KCNIP4: variants seen among roughly 807,000 people sequenced by gnomAD.
KCNIP4 encodes potassium voltage-gated channel interacting protein 4.
KCNIP4 carries 12 observed loss-of-function variants against 34.0 expected under a neutral mutation model. The observed-to-expected ratio is 0.35, with a 90% CI of 0.23 to 0.57. KCNIP4 has a LOEUF of 0.57. Among genes scored for constraint, KCNIP4 ranks in the 20% least tolerant of loss-of-function variants. The pLI, the probability that KCNIP4 is intolerant of heterozygous loss-of-function variation, is 0.83. For missense variants in KCNIP4, 238 were observed against 311.7 expected (o/e 0.76, Z 1.78); for synonymous variants, 124 against 102.2 (o/e 1.21, Z -1.29).
intron 1 of KCNIP4, among the ~76,000 whole-genome samples, chr4:21,853,417 A>T (rs1395194182): frequency 2.0e-5 from 3 of 152,200 alleles, no homozygotes; most frequent in African/African-American, 7.2e-5. Flanking sequence ...TGAATAAGTC[A>T]TATAATATTT....
intron 2 of KCNIP4, among the ~76,000 whole-genome samples, chr4:20,877,398 A>C (rs989356767): frequency 6.6e-6 from 1 of 152,094 alleles, no homozygotes; most frequent in African/African-American, 2.4e-5. Flanking sequence ...GCCCTATTTA[A>C]ATATGCCTTT....
At chr4:20,904,556 A>T (rs1471428833) in intron 1 of KCNIP4, among the ~76,000 whole-genome samples, 1 of 152,028 alleles carries the variant, frequency 6.6e-6, no homozygotes, top group African/African-American at 2.4e-5. Context: ...TTTATTATTG[A>T]TTTTTAAATG....
chr4:21,407,787 G>C (rs1464711497), intron 1 of KCNIP4, among the ~76,000 whole-genome samples: 1 of 152,102 alleles, frequency 6.6e-6, no homozygotes, highest in Non-Finnish European at 1.5e-5. Flanking sequence ...AGAAAGTCCT[G>C]CTTTTTGGTA....
chr4:21,614,041 G>A (rs896763161), intron 1 of KCNIP4, among the ~76,000 whole-genome samples: 1 of 151,566 alleles, frequency 6.6e-6, no homozygotes, highest in Admixed American at 6.6e-5. Context: ...ATCCAGCTAT[G>A]CGGGAGACTG....
At chr4:21,765,469 A>C (rs1244036998) in intron 1 of KCNIP4, among the ~76,000 whole-genome samples, 1 of 151,974 alleles carries the variant, frequency 6.6e-6, no homozygotes, top group Non-Finnish European at 1.5e-5. Context: ...TTTTTTATGC[A>C]GACTTGCTCC....
At chr4:21,356,984 A>C (rs1452256527) in intron 1 of KCNIP4, among the ~76,000 whole-genome samples, 1 of 152,164 alleles carries the variant, frequency 6.6e-6, no homozygotes, top group African/African-American at 2.4e-5. Context: ...GACCAATGGA[A>C]CAGAACAGAG....
chr4:21,621,256 CTAAA>C (rs1240997913), intron 1 of KCNIP4, among the ~76,000 whole-genome samples: 2 of 152,174 alleles, frequency 1.3e-5, no homozygotes, highest in African/African-American at 4.8e-5. Flanking sequence ...TCTGCCACAC[CTAAA>C]TAAACACTTA....
rs573936494 is a variant in KCNIP4, at chr4:21,150,993, TTCTG to T, written c.62-268288_62-268285del. Among the ~76,000 whole-genome samples the T allele has an allele frequency of 3.1e-3, 472 of 152,326 alleles. 2 individuals are homozygous for T. Among genetic ancestry groups the T allele is most frequent in the Non-Finnish European group, 6.0e-3 (411 of 68,016 alleles). ...GTATCTTGTTATCACTCAGTTTTGT[TTCTG>T]TCTAAAAATCTACTTGCTAGAAGGG... On this transcript the variant is annotated intron_variant, in intron 1 of 8. Coordinates refer to ENST00000382152, the MANE Select transcript of KCNIP4 (RefSeq NM_025221.6).
At chr4:21,765,881 G>C (rs1404053280) in intron 1 of KCNIP4, among the ~76,000 whole-genome samples, 1 of 147,878 alleles carries the variant, frequency 6.8e-6, no homozygotes, top group Admixed American at 6.8e-5. Flanking sequence ...GAGAGAGACA[G>C]ATCAAGGAAT....
At chr4:21,484,264 T>G (rs1482865737) in intron 1 of KCNIP4, among the ~76,000 whole-genome samples, 1 of 151,612 alleles carries the variant, frequency 6.6e-6, no homozygotes, top group African/African-American at 2.4e-5. Flanking sequence ...CCACCTCTAG[T>G]ACAAATACAA....
chr4:21,859,275 C>T lies in KCNIP4; in HGVS notation c.61+89296G>A, dbSNP rs534549703. Among the ~76,000 whole-genome samples, 5 of 152,242 alleles carry T rather than the reference C, an allele frequency of 3.3e-5. No individual in the cohort carries two copies. The South Asian group carries it at 1.0e-3, about 32-fold the overall frequency. Reference sequence around the variant, plus strand: ...ATGGTCGAGAGAGACAGACACTTGACTTCCCTTCATCGCTGTCCTGCTATC... The same window carrying T: ...ATGGTCGAGAGAGACAGACACTTGATTTCCCTTCATCGCTGTCCTGCTATC... On this transcript the variant is annotated intron_variant, in intron 1 of 8. Coordinates refer to ENST00000382152, the MANE Select transcript of KCNIP4 (RefSeq NM_025221.6).
At chr4:21,272,940 C>T (rs113934594) in intron 1 of KCNIP4, among the ~76,000 whole-genome samples, 1,630 of 152,118 alleles carry the variant, frequency 0.011, 26 homozygotes, top group African/African-American at 0.036. Context: ...CTATCAGTAT[C>T]GTCTTTGTTG....
chr4:20,810,464 GGA>G (rs10562717), intron 3 of KCNIP4, among the ~76,000 whole-genome samples: 67,680 of 142,084 alleles, frequency 0.48, 16,162 homozygotes, highest in East Asian at 0.57. Context: ...GAGGAAGGGG[GGA>G]GAGAGAGAGA....
Position 21,063,106 on chromosome 4 carries a change from G to A in KCNIP4, c.62-180397C>T, listed in dbSNP as rs982661302. On this transcript the variant is annotated intron_variant, in intron 1 of 8. Coordinates refer to ENST00000382152, the MANE Select transcript of KCNIP4 (RefSeq NM_025221.6). ...AAGATGGGACAATGTCTTTTACCAT[G>A]AGCATATCAGGCTACCAGATGCTAG... 3.3e-5 allele frequency among the ~76,000 whole-genome samples: 5 copies of A among 152,198 alleles called. No homozygotes were observed. In the South Asian group the frequency reaches 1.0e-3, roughly 32 times the overall value.
chr4:20,783,684 A>G (rs958097654), intron 3 of KCNIP4, among the ~76,000 whole-genome samples: 4 of 152,208 alleles, frequency 2.6e-5, no homozygotes, highest in African/African-American at 9.6e-5. Flanking sequence ...ACAGAGCCAT[A>G]GAATATCAGT....
intron 1 of KCNIP4, among the ~76,000 whole-genome samples, chr4:21,013,606 A>T (rs1298517744): frequency 6.6e-6 from 1 of 152,020 alleles, no homozygotes; most frequent in Non-Finnish European, 1.5e-5. Context: ...AGTTCTGTCA[A>T]CTCTTGCCTC....
chr4:21,131,329 A>T (rs549307797), intron 1 of KCNIP4, among the ~76,000 whole-genome samples: 1 of 152,220 alleles, frequency 6.6e-6, no homozygotes, highest in Non-Finnish European at 1.5e-5. Flanking sequence ...ATACATTTAC[A>T]TATAGAACTA....
At chr4:21,537,635 A>T (rs1390415869) in intron 1 of KCNIP4, among the ~76,000 whole-genome samples, 2 of 152,160 alleles carry the variant, frequency 1.3e-5, no homozygotes, top group African/African-American at 4.8e-5. Context: ...AGTCTTTGCA[A>T]ATATAATCAA....
chr4:20,730,795 T>A lies in KCNIP4; in HGVS notation c.706-666A>T, dbSNP rs192059625. Among the ~76,000 whole-genome samples the A allele has an allele frequency of 4.2e-3, 647 of 152,270 alleles. 6 individuals carry two copies. The highest frequency in any genetic ancestry group is 0.014 in the African/African-American group (598 of 41,552). On this transcript the variant is annotated intron_variant, in intron 8 of 8. Coordinates refer to ENST00000382152, the MANE Select transcript of KCNIP4 (RefSeq NM_025221.6). ...TGAGTTAGGGGACAGACTTTGGGCATTATTGGAGCACTTGTCAGTTGCATG... is the reference window on the plus strand; with the variant it reads ...TGAGTTAGGGGACAGACTTTGGGCAATATTGGAGCACTTGTCAGTTGCATG...
Sources: gnomAD v4.1 joint callset for allele counts (sites outside exome capture counted in the v4.1 genomes callset) on GRCh38, gnomAD v4.1.1 for gene constraint, MANE v1.5 for transcripts, NCBI Gene and HGNC (gene_info 2026-07-23, HGNC 2026-07-21) for gene names.